Variants in SLC2A13 observed in about 807,000 individuals in gnomAD.
The protein encoded by SLC2A13 is solute carrier family 2 member 13.
SLC2A13 carries 32 observed loss-of-function variants against 64.4 expected under a neutral mutation model. The observed-to-expected ratio is 0.50, with a 90% CI of 0.37 to 0.67. SLC2A13 has a LOEUF of 0.67. SLC2A13 is among the 30% of genes least tolerant of loss of function. The pLI, the probability that SLC2A13 is intolerant of heterozygous loss-of-function variation, is 0.00. For missense variants in SLC2A13, 743 were observed against 829.2 expected (o/e 0.90, Z 1.28); for synonymous variants, 338 against 327.1 (o/e 1.03, Z -0.36).
At chr12:39,924,676 T>C (rs1442891006) in intron 4 of SLC2A13, among the ~76,000 whole-genome samples, 3 of 152,184 alleles carry the variant, frequency 2.0e-5, no homozygotes, top group Admixed American at 1.3e-4. Flanking sequence ...ATTCTTCATT[T>C]TTTTTCTTTC....
At chr12:39,923,988 G>C (rs1175354594) in intron 4 of SLC2A13, among the ~76,000 whole-genome samples, 2 of 151,964 alleles carry the variant, frequency 1.3e-5, no homozygotes, top group African/African-American at 4.8e-5. Context: ...TATGTTTCTT[G>C]AAGGCTTTTA....
chr12:39,884,162 TCTCA>T (rs1944413997), intron 4 of SLC2A13, among the ~76,000 whole-genome samples: 1 of 152,118 alleles, frequency 6.6e-6, no homozygotes, highest in South Asian at 2.1e-4. Context: ...AGAGATGGGG[TCTCA>T]CTATGTTGCT....
intron 9 of SLC2A13, among the ~76,000 whole-genome samples, chr12:39,764,212 T>C (rs1940265579): frequency 6.6e-6 from 1 of 151,980 alleles, no homozygotes; most frequent in Non-Finnish European, 1.5e-5. Context: ...GATGTCTGAG[T>C]TGGGAGAGGG....
rs1296094273 is a variant in SLC2A13 at position 39,830,116 on chromosome 12, C to T, written c.1432G>A (p.Ala478Thr). ...TGAGTGATATACCTGCCCCAGGCTG[C>T]CTCATTTGTAGATGCTTTATTAACT... Reference protein sequence around the residue: ...VPVNKASTNEAAWGRCENETK... With the variant: ...VPVNKASTNETAWGRCENETK... Residue 478 changes from alanine to threonine, a missense_variant, in exon 7 of 10, where the codon GCA (alanine) becomes ACA (threonine). This residue lies in a region of SLC2A13 where 295 missense variants were observed against 381.7 expected (regional missense o/e 0.77). Coordinates refer to ENST00000280871, the MANE Select transcript of SLC2A13 (RefSeq NM_052885.4). 1.9e-6 allele frequency: 3 copies of T among 1,613,640 alleles called. No homozygotes were observed. The highest frequency in any genetic ancestry group is 2.5e-6 in the Non-Finnish European group (3 of 1,179,730).
intron 1 of SLC2A13, among the ~76,000 whole-genome samples, chr12:40,082,358 T>A (rs1938437207): frequency 1.3e-5 from 2 of 152,220 alleles, no homozygotes; most frequent in African/African-American, 4.8e-5. Context: ...CTTTTCAGAA[T>A]CCTCAGTTGC....
intron 3 of SLC2A13, among the ~76,000 whole-genome samples, chr12:40,023,218 C>CCAATGATCCTGCCTTAGCA (rs1412076911): frequency 1.3e-5 from 2 of 152,214 alleles, no homozygotes; most frequent in Non-Finnish European, 2.9e-5. Context: ...TGCTTTCCTT[C>CCAATGATCCTGCCTTAGCA]CAATGATCCT....
intron 3 of SLC2A13, among the ~76,000 whole-genome samples, chr12:40,007,980 CA>C (rs1399422375): frequency 6.6e-6 from 1 of 152,050 alleles, no homozygotes; most frequent in Non-Finnish European, 1.5e-5. Context: ...AAAATATAAG[CA>C]CTTTCTACTT....
At chr12:39,849,303 C>A (rs149663500) in intron 6 of SLC2A13, among the ~76,000 whole-genome samples, 48 of 152,232 alleles carry the variant, frequency 3.2e-4, no homozygotes, top group African/African-American at 1.1e-3. Context: ...GTGAATGCAG[C>A]ATTTAGCGAG....
At position 40,105,559 on chromosome 12, in the gene SLC2A13, C is replaced by T; in HGVS notation, c.250G>A (p.Val84Met). The change falls in exon 1 of 10, where the codon GTG (valine) becomes ATG (methionine). Residue 84 changes from valine (V) to methionine (M), a missense_variant. By Grantham distance (21) the Val-to-Met change is conservative. This residue lies in a region of SLC2A13 where 448 missense variants were observed against 447.4 expected (regional missense o/e 1.00). Transcript: ENST00000280871. This position sits in a 1 kb window ranked among gnomAD's most constrained non-coding sequence, Gnocchi z 4.2. ...CCGCCCAGCGCGGAGAAGACGGCCA[C>T]CACGTACACGAAGGCGGGGGTCTCG... is the stretch of plus-strand genomic sequence containing the variant. ...QDETPAFVYVVAVFSALGGFL... is the reference protein window; with the variant it reads ...QDETPAFVYVMAVFSALGGFL... 1 of 1,577,070 alleles carries T rather than the reference C, an allele frequency of 6.3e-7. No individual in the cohort carries two copies. Among genetic ancestry groups the T allele is most frequent in the Non-Finnish European group, 8.6e-7 (1 of 1,164,432 alleles).
At chr12:39,865,814 G>T (rs1427559478) in intron 5 of SLC2A13, among the ~76,000 whole-genome samples, 1 of 152,148 alleles carries the variant, frequency 6.6e-6, no homozygotes, top group Admixed American at 6.5e-5. Context: ...TTTAAAAGTT[G>T]GAGCTGCATG....
chr12:40,085,421 A>C (rs954311987), intron 1 of SLC2A13, among the ~76,000 whole-genome samples: 3 of 152,046 alleles, frequency 2.0e-5, no homozygotes, highest in African/African-American at 7.2e-5. Context: ...GGTCTTGAGG[A>C]CTGTGCCCTC....
chr12:40,099,359 G>T (rs1223731202), intron 1 of SLC2A13, among the ~76,000 whole-genome samples: 3 of 152,150 alleles, frequency 2.0e-5, no homozygotes, highest in Admixed American at 2.0e-4. Flanking sequence ...ATGTACAAAG[G>T]AGCCAAGTAC....
chr12:39,976,093 A>G (rs1248467991), intron 3 of SLC2A13, among the ~76,000 whole-genome samples: 2 of 152,246 alleles, frequency 1.3e-5, no homozygotes, highest in African/African-American at 2.4e-5. Context: ...TTGTCTTCTA[A>G]TGGGGCTGAA....
chr12:39,906,299 T>A (rs1178838748), intron 4 of SLC2A13, among the ~76,000 whole-genome samples: 1 of 152,158 alleles, frequency 6.6e-6, no homozygotes, highest in Non-Finnish European at 1.5e-5. Flanking sequence ...ACTGTGTGAA[T>A]AACTAGACAA....
intron 4 of SLC2A13, among the ~76,000 whole-genome samples, chr12:39,919,313 T>A (rs1284942928): frequency 1.3e-5 from 2 of 152,120 alleles, no homozygotes; most frequent in African/African-American, 4.8e-5. Context: ...AAAATACCTC[T>A]ACTGATTTTT....
intron 3 of SLC2A13, among the ~76,000 whole-genome samples, chr12:40,007,787 G>A (rs1947450530): frequency 6.6e-6 from 1 of 151,962 alleles, no homozygotes; most frequent in African/African-American, 2.4e-5. Flanking sequence ...AAAAAAATAT[G>A]GCACAATACC....
At chr12:39,951,791 C>T (rs1053040661) in intron 3 of SLC2A13, among the ~76,000 whole-genome samples, 1 of 151,984 alleles carries the variant, frequency 6.6e-6, no homozygotes, top group African/African-American at 2.4e-5. Context: ...TTTAATCAAC[C>T]GTAAGAAAAG....
At chr12:40,021,539 A>AGG (rs1947718639) in intron 3 of SLC2A13, among the ~76,000 whole-genome samples, 1 of 152,314 alleles carries the variant, frequency 6.6e-6, no homozygotes, top group Admixed American at 6.5e-5. Context: ...GTTTTAATCT[A>AGG]CTGTTTACCA....
At chr12:39,812,194 C>T (rs1015785522) in intron 7 of SLC2A13, among the ~76,000 whole-genome samples, 3 of 151,988 alleles carry the variant, frequency 2.0e-5, no homozygotes, top group African/African-American at 7.3e-5. Flanking sequence ...CATCTGTGCC[C>T]TCACATGGTA....
Sources: gnomAD v4.1 joint callset for allele counts (sites outside exome capture counted in the v4.1 genomes callset) on GRCh38, gnomAD v4.1.1 for gene constraint, gnomAD v4.1.1 regional missense constraint, Gnocchi (gnomAD v3.1) non-coding constraint, MANE v1.5 for transcripts, NCBI Gene and HGNC (gene_info 2026-07-23, HGNC 2026-07-21) for gene names.